The following CNTNAP2 variants were observed in gnomAD, a reference collection of about 807,000 sequenced individuals.
The protein encoded by CNTNAP2 is contactin-associated protein-like 2.
In CNTNAP2, 98 loss-of-function variants were observed where a neutral mutation model predicts 155.2. That is an observed-to-expected ratio of 0.63 (90% CI 0.54 to 0.75). The LOEUF is 0.75. Ranked by LOEUF, CNTNAP2 falls within the 30% of genes least tolerant of loss-of-function variation. The pLI is 0.00. For synonymous variants in CNTNAP2, 651 were observed against 631.2 expected, an observed-to-expected ratio of 1.03 and a Z score of -0.47; for missense variants, 1,727 against 1,688.1, an observed-to-expected ratio of 1.02 and a Z score of -0.40.
At chr7:148,236,739 C>T (rs1585207758) in intron 20 of CNTNAP2, among the ~76,000 whole-genome samples, 1 of 152,222 alleles carries the variant, frequency 6.6e-6, no homozygotes, top group East Asian at 1.9e-4. Context: ...GTACAAGACG[C>T]ATAGCAGCTT....
At chr7:146,888,142 A>C (rs1427436970) in intron 3 of CNTNAP2, among the ~76,000 whole-genome samples, 1 of 152,108 alleles carries the variant, frequency 6.6e-6, no homozygotes, top group East Asian at 1.9e-4. Context: ...CAGAGTTCCA[A>C]ATCTTTGAAA....
intron 1 of CNTNAP2, among the ~76,000 whole-genome samples, chr7:146,633,841 A>AAAAAAAAAC: frequency 1.3e-5 from 2 of 150,160 alleles, no homozygotes; most frequent in African/African-American, 4.9e-5. Context: ...AGAAAAAAAA[A>AAAAAAAAAC]AAAAAAAAAA....
intron 8 of CNTNAP2, among the ~76,000 whole-genome samples, chr7:147,272,285 C>T (rs1401869614): frequency 4.6e-5 from 7 of 152,120 alleles, no homozygotes; most frequent in African/African-American, 7.2e-5. Context: ...CCTTCCTTCC[C>T]GACTCCCTTA....
At chr7:146,260,954 A>G (rs1252043427) in intron 1 of CNTNAP2, among the ~76,000 whole-genome samples, 2 of 152,148 alleles carry the variant, frequency 1.3e-5, no homozygotes, top group African/African-American at 4.8e-5. Flanking sequence ...TGTAATCCCC[A>G]CGTTTTGAGG....
In CNTNAP2 at chr7:146,853,173, T is replaced by G. The variant is rs138946781; in HGVS notation, c.402+13269T>G. ...AGGAATATCCAATGAGTTTTTCACA[T>G]GATATGTTAAATAAAAAGGTATGAT... On this transcript the variant is annotated intron_variant, in intron 3 of 23. Coordinates refer to ENST00000361727, the MANE Select transcript of CNTNAP2 (RefSeq NM_014141.6). 5.4e-4 allele frequency among the ~76,000 whole-genome samples: 83 copies of G among 152,334 alleles called. 2 individuals are homozygous for G. Among genetic ancestry groups the G allele is most frequent in the African/African-American group, 4.1e-4 (17 of 41,570 alleles).
At chr7:146,265,719 C>T (rs576217861) in intron 1 of CNTNAP2, among the ~76,000 whole-genome samples, 27 of 152,206 alleles carry the variant, frequency 1.8e-4, no homozygotes, top group African/African-American at 6.3e-4. Flanking sequence ...CTTGGCCTCC[C>T]AAAATGCTAT....
chr7:146,828,416 T>C (rs1211363333), intron 2 of CNTNAP2, among the ~76,000 whole-genome samples: 1 of 152,008 alleles, frequency 6.6e-6, no homozygotes, highest in Non-Finnish European at 1.5e-5. Flanking sequence ...AAGAACGCAG[T>C]CCAATCTCTC....
At chr7:146,290,262 A>G (rs1394048250) in intron 1 of CNTNAP2, among the ~76,000 whole-genome samples, 1 of 152,172 alleles carries the variant, frequency 6.6e-6, no homozygotes, top group African/African-American at 2.4e-5. Flanking sequence ...AAGCAGCATG[A>G]CAATGAACCT....
At chr7:146,732,674 C>T (rs545151721) in intron 1 of CNTNAP2, among the ~76,000 whole-genome samples, 14 of 152,102 alleles carry the variant, frequency 9.2e-5, no homozygotes, top group South Asian at 8.3e-4. Flanking sequence ...CCTCATTATC[C>T]GTGGGGGAAT....
intron 1 of CNTNAP2, among the ~76,000 whole-genome samples, chr7:146,402,619 G>A (rs1331410102): frequency 2.0e-5 from 3 of 152,094 alleles, no homozygotes; most frequent in Non-Finnish European, 4.4e-5. Flanking sequence ...TTTAAGTACA[G>A]TATACTGTGA....
intron 14 of CNTNAP2, among the ~76,000 whole-genome samples, chr7:147,963,010 C>A: frequency 6.6e-6 from 1 of 151,012 alleles, no homozygotes. Context: ...ATTCACAGTG[C>A]GAAGTGTCTG....
intron 14 of CNTNAP2, among the ~76,000 whole-genome samples, chr7:147,937,947 T>C (rs1003119564): frequency 6.6e-6 from 1 of 152,166 alleles, no homozygotes. Context: ...CTATGCTAGG[T>C]GCCTTCTATC....
intron 8 of CNTNAP2, among the ~76,000 whole-genome samples, chr7:147,243,833 T>C (rs557811285): frequency 1.9e-4 from 29 of 152,300 alleles, no homozygotes; most frequent in African/African-American, 6.3e-4. Flanking sequence ...ACAAAGTTTC[T>C]TCTTTTTTTA....
chr7:146,896,000 G>A (rs189248998), intron 3 of CNTNAP2, among the ~76,000 whole-genome samples: 28 of 152,198 alleles, frequency 1.8e-4, no homozygotes, highest in Admixed American at 1.5e-3. Flanking sequence ...TCAAGTAAGA[G>A]TTTTGGATAA....
intron 18 of CNTNAP2, among the ~76,000 whole-genome samples, chr7:148,175,552 C>A (rs1289128516): frequency 6.6e-6 from 1 of 152,106 alleles, no homozygotes; most frequent in Non-Finnish European, 1.5e-5. Context: ...TTTCCACAAG[C>A]AGCTGAAGAG....
intron 15 of CNTNAP2, among the ~76,000 whole-genome samples, chr7:147,995,246 A>G (rs1315980002): frequency 6.6e-6 from 1 of 152,168 alleles, no homozygotes; most frequent in African/African-American, 2.4e-5. Context: ...GTTTGTACCA[A>G]CAGTTCAGCA....
Position 146,603,368 on chromosome 7 carries a change from C to T in CNTNAP2, c.98-170903C>T, listed in dbSNP as rs186574209. 4.1e-4 allele frequency among the ~76,000 whole-genome samples: 62 copies of T among 150,236 alleles called. 1 individual carries two copies. The East Asian group carries it at 0.01, about 25-fold the overall frequency. ...CGGAACTTGCAGTGAGCCGAGACCGCGCCACTGCACTCCAGCCTGGGGGAC... is the reference window on the plus strand; with the variant it reads ...CGGAACTTGCAGTGAGCCGAGACCGTGCCACTGCACTCCAGCCTGGGGGAC... On this transcript the variant is annotated intron_variant, in intron 1 of 23. Coordinates refer to ENST00000361727, the MANE Select transcript of CNTNAP2 (RefSeq NM_014141.6).
chr7:146,336,651 T>A (rs1002098713), intron 1 of CNTNAP2, among the ~76,000 whole-genome samples: 1 of 152,156 alleles, frequency 6.6e-6, no homozygotes, highest in Non-Finnish European at 1.5e-5. Flanking sequence ...ACAGCATTTC[T>A]ATTTTTAACG....
intron 3 of CNTNAP2, among the ~76,000 whole-genome samples, chr7:146,919,443 G>C (rs1347749407): frequency 6.6e-6 from 1 of 152,118 alleles, no homozygotes; most frequent in East Asian, 1.9e-4. Context: ...AACTGCAGTG[G>C]TTGTTATTTG....
Sources: gnomAD v4.1 joint callset for allele counts (sites outside exome capture counted in the v4.1 genomes callset) on GRCh38, gnomAD v4.1.1 for gene constraint, MANE v1.5 for transcripts, NCBI Gene and HGNC (gene_info 2026-07-23, HGNC 2026-07-21) for gene names.